COG2: variants seen among roughly 807,000 people sequenced by gnomAD.
COG2 encodes the protein component of oligomeric golgi complex 2, also known as conserved oligomeric Golgi complex subunit 2.
A neutral mutation model predicts 90.6 loss-of-function variants in COG2; 52 were observed. The ratio of observed to expected loss-of-function variants is 0.57; its 90% CI spans 0.46 to 0.72. The LOEUF is 0.72. Ranked by LOEUF, COG2 falls within the 30% of genes least tolerant of loss-of-function variation. The pLI, the probability that COG2 is intolerant of heterozygous loss-of-function variation, is 0.00. For synonymous variants in COG2, 337 were observed against 320.4 expected (o/e 1.05, Z -0.55); for missense variants, 829 against 891.2 (o/e 0.93, Z 0.89).
Position 230,664,489 on chromosome 1 carries a change from T to G in COG2, c.387T>G (p.Cys129Trp). 8 of 1,399,120 alleles carry G rather than the reference T, an allele frequency of 5.7e-6. No individual in the cohort carries two copies. Among genetic ancestry groups the G allele is most frequent in the Non-Finnish European group, 7.9e-6 (8 of 1,017,952 alleles). The allele number at this position is 1,399,120 out of a possible 1,614,324, so 86.7% of individuals were successfully genotyped here. Residue 129 changes from cysteine (C) to tryptophan (W), a missense_variant, in exon 5 of 18, where the codon TGT becomes TGG. Physicochemically the swap from Cys to Trp is radical, Grantham distance 215. Transcript: ENST00000366669. ...KQEDIRKKKM[C>W]VLRLIQVIRS... ...TCCTTAATTTTTATTTATAGATGTG[T>G]GTATTGAGGCTTATACAAGTTATTC...
chr1:230,690,574 A>G (rs1394290351), intron 16 of COG2, among the ~76,000 whole-genome samples: 7 of 152,276 alleles, frequency 4.6e-5, no homozygotes, highest in African/African-American at 1.4e-4. Flanking sequence ...AAGAGAAAAC[A>G]TACATTTAAA....
chr1:230,688,003 A>C, intron 13 of COG2, 68 bp from the exon 14 acceptor site: 1 of 1,074,264 alleles, frequency 9.3e-7, no homozygotes, highest in Non-Finnish European at 1.4e-6. Flanking sequence ...TTGTAGATGC[A>C]AATAGAATTG....
chr1:230,682,824 T>C (rs1218945356), intron 10 of COG2: 1 of 152,196 alleles, frequency 6.6e-6, no homozygotes, highest in Non-Finnish European at 1.5e-5. Flanking sequence ...AGTTATATAG[T>C]TAGAAAACAA....
intron 15 of COG2, 150 bp downstream of exon 15, chr1:230,688,712 G>A: frequency 2.2e-6 from 2 of 890,558 alleles, no homozygotes. Flanking sequence ...GATGAAGAGA[G>A]GGAGGTTGGG....
At chr1:230,664,460 T>A in intron 4 of COG2, 24 bp from the exon 5 acceptor site, 2 of 1,072,886 alleles carry the variant, frequency 1.9e-6, no homozygotes, top group Non-Finnish European at 2.7e-6. Flanking sequence ...GACAATAACT[T>A]TTTTCCTTAA....
In COG2 at chr1:230,642,695, C is replaced by T. The variant is rs1004873713; in HGVS notation, c.72+17C>T. Reference sequence around the variant, plus strand: ...TTCATGAAGGTGCGCGCGGCGTCCGCTCCCCGGAGCCGGGCCATGAGGGTG... The same window carrying T: ...TTCATGAAGGTGCGCGCGGCGTCCGTTCCCCGGAGCCGGGCCATGAGGGTG... On this transcript the variant is annotated intron_variant, in intron 1 of 17. Coordinates refer to ENST00000366669, the MANE Select transcript of COG2 (RefSeq NM_007357.3). 3 of 1,608,650 alleles carry T rather than the reference C, an allele frequency of 1.9e-6. No homozygotes were observed. The Admixed American group carries it at 5.0e-5, about 27-fold the overall frequency.
chr1:230,673,545 G>T (rs1442891497), intron 8 of COG2, among the ~76,000 whole-genome samples: 1 of 152,212 alleles, frequency 6.6e-6, no homozygotes, highest in Non-Finnish European at 1.5e-5. Context: ...TTGGGGATTT[G>T]ATTAGACATT....
At chr1:230,681,938 C>T (rs1662758899) in intron 10 of COG2, 1 of 151,718 alleles carries the variant, frequency 6.6e-6, no homozygotes, top group Non-Finnish European at 1.5e-5. Context: ...GATCAAGGCT[C>T]TGCTGCATTT....
intron 8 of COG2, among the ~76,000 whole-genome samples, chr1:230,672,314 T>C (rs1662467176): frequency 6.6e-6 from 1 of 152,236 alleles, no homozygotes; most frequent in African/African-American, 2.4e-5. Context: ...AAGCAGGGCA[T>C]GAGGCCCTTT....
intron 1 of COG2, among the ~76,000 whole-genome samples, chr1:230,648,361 A>G (rs1439548102): frequency 6.6e-6 from 1 of 152,234 alleles, no homozygotes; most frequent in African/African-American, 2.4e-5. Context: ...CTGACCTTAC[A>G]GGTTCATGGT....
chr1:230,645,743 A>G (rs1661755516), intron 1 of COG2, among the ~76,000 whole-genome samples: 1 of 152,200 alleles, frequency 6.6e-6, no homozygotes, highest in Admixed American at 6.5e-5. Flanking sequence ...TTTTCTTGCA[A>G]CTAGACAGTC....
chr1:230,691,826 C>T, intron 17 of COG2: 1 of 402,092 alleles, frequency 2.5e-6, no homozygotes, highest in East Asian at 4.4e-5. Flanking sequence ...AGTGCCCATG[C>T]TCACGGAGCT....
rs946434231 is a variant in COG2, at chr1:230,642,517, C to G, written c.-90C>G. The stretch of plus-strand genomic sequence containing the variant: ...AGCGGACCCCCCTGTGCCGTGGAAA[C>G]TGGCGGTGGCCGCGGCCGCCGAGTC... On this transcript the variant is annotated 5_prime_UTR_variant, in exon 1 of 18. Transcript: ENST00000366669. 15 of 1,330,856 alleles carry G rather than the reference C, an allele frequency of 1.1e-5. No homozygotes were observed. The highest frequency in any genetic ancestry group is 2.5e-5 in the East Asian group (1 of 39,640). 82.4% of individuals were successfully genotyped at this position (1,330,856 alleles called of 1,614,324 possible).
chr1:230,659,427 T>A, intron 1 of COG2, 37 bp from the exon 2 acceptor site: 1 of 1,524,456 alleles, frequency 6.6e-7, no homozygotes, highest in Admixed American at 1.7e-5. Context: ...TGTGATATCA[T>A]TGCTATAATT....
At chr1:230,684,059 T>A (rs969700459) in intron 11 of COG2, among the ~76,000 whole-genome samples, 1 of 152,190 alleles carries the variant, frequency 6.6e-6, no homozygotes, top group African/African-American at 2.4e-5. Flanking sequence ...TCCAGAGTGC[T>A]GGGATTACAG....
At chr1:230,676,130 G>A (rs1662585440) in intron 9 of COG2, among the ~76,000 whole-genome samples, 1 of 152,144 alleles carries the variant, frequency 6.6e-6, no homozygotes, top group Non-Finnish European at 1.5e-5. Flanking sequence ...TTCTTATGCA[G>A]TGAGATAATC....
intron 1 of COG2, among the ~76,000 whole-genome samples, chr1:230,647,156 C>T (rs1661808284): frequency 6.6e-6 from 1 of 152,134 alleles, no homozygotes. Context: ...TTCCAGAACA[C>T]TTGGAAGTAT....
chr1:230,693,326 AAAG>A lies in COG2; in HGVS notation c.2151_2153del (p.Lys717_Ser718delinsAsn). On this transcript the variant is annotated inframe_deletion, in exon 18 of 18. Coordinates refer to ENST00000366669, the MANE Select transcript of COG2 (RefSeq NM_007357.3). ...TTGGGACTACAAGCAAGTGACATAA[AAAG>A]CTTCTCAGCTCTCGCAGAGCTTGTT... is the stretch of plus-strand genomic sequence containing the variant. 6.2e-7 allele frequency: 1 copy of A among 1,613,868 alleles called. No individual in the cohort carries two copies. Among genetic ancestry groups the A allele is most frequent in the South Asian group, 1.1e-5 (1 of 91,010 alleles).
At chr1:230,688,203 C>A in intron 14 of COG2, 60 bp downstream of exon 14, 1 of 1,326,986 alleles carries the variant, frequency 7.5e-7, no homozygotes, top group South Asian at 1.3e-5. Context: ...AATAAAATCT[C>A]AGAGACTGTA....
Sources: gnomAD v4.1 joint callset for allele counts (sites outside exome capture counted in the v4.1 genomes callset) on GRCh38, gnomAD v4.1.1 for gene constraint, MANE v1.5 for transcripts, NCBI Gene and HGNC (gene_info 2026-07-23, HGNC 2026-07-21) for gene names.